The following CTNNA3 variants were observed in gnomAD, a reference collection of about 807,000 sequenced individuals.
The protein encoded by CTNNA3 is catenin alpha-3.
CTNNA3 carries 76 observed loss-of-function variants against 95.7 expected under a neutral mutation model. The observed-to-expected ratio is 0.79, with a 90% CI of 0.66 to 0.96. The LOEUF is 0.96. Ranked by LOEUF, CTNNA3 falls within the 40% of genes least tolerant of loss-of-function variation. The pLI, the probability that CTNNA3 is intolerant of heterozygous loss-of-function variation, is 0.00. For synonymous variants in CTNNA3, 431 were observed against 374.4 expected (o/e 1.15, Z -1.74); for missense variants, 1,191 against 1,089.8 (o/e 1.09, Z -1.31).
chr10:66,845,750 TACATACACACAC>T (rs1198323664), intron 7 of CTNNA3, among the ~76,000 whole-genome samples: 1 of 32,500 alleles, frequency 3.1e-5, no homozygotes, highest in Non-Finnish European at 7.5e-5. Context: ...GAGATATATA[TACATACACACAC>T]ACACACACAC....
chr10:67,568,136 A>G (rs1361553645), intron 3 of CTNNA3, among the ~76,000 whole-genome samples: 1 of 152,014 alleles, frequency 6.6e-6, no homozygotes, highest in Non-Finnish European at 1.5e-5. Context: ...CCTCATGTGC[A>G]TAACATATGT....
chr10:66,450,304 G>T (rs2093455008), intron 11 of CTNNA3, among the ~76,000 whole-genome samples: 2 of 152,044 alleles, frequency 1.3e-5, no homozygotes, highest in South Asian at 4.1e-4. Context: ...AAAACACTTT[G>T]TTTGGAGTAC....
intron 10 of CTNNA3, among the ~76,000 whole-genome samples, chr10:66,548,355 TTAAG>T (rs1842103150): frequency 6.6e-6 from 1 of 152,320 alleles, no homozygotes; most frequent in Admixed American, 6.5e-5. Context: ...AACTCACTTA[TTAAG>T]TATTATAATT....
chr10:67,417,373 A>G (rs912610585), intron 5 of CTNNA3, among the ~76,000 whole-genome samples: 2 of 152,180 alleles, frequency 1.3e-5, no homozygotes, highest in Non-Finnish European at 2.9e-5. Flanking sequence ...GACGGGATCT[A>G]TACCCCAAAC....
intron 7 of CTNNA3, among the ~76,000 whole-genome samples, chr10:67,066,562 CACCA>C (rs1338655596): frequency 1.3e-5 from 2 of 149,676 alleles, no homozygotes; most frequent in Non-Finnish European, 3.0e-5. Context: ...GGTACATACA[CACCA>C]ACCATTACAG....
chr10:66,246,410 C>T (rs761254182), intron 13 of CTNNA3, among the ~76,000 whole-genome samples: 2 of 152,078 alleles, frequency 1.3e-5, no homozygotes, highest in African/African-American at 4.8e-5. Context: ...ACCCTGGGAG[C>T]TCCTGCCCCA....
intron 13 of CTNNA3, among the ~76,000 whole-genome samples, chr10:66,178,609 G>C (rs1423413558): frequency 6.6e-6 from 1 of 151,148 alleles, no homozygotes; most frequent in Non-Finnish European, 1.5e-5. Flanking sequence ...GAAGAACTCT[G>C]TTAAGAGGAT....
At chr10:67,762,777 G>A (rs1024323180) in intron 1 of CTNNA3, among the ~76,000 whole-genome samples, 2 of 152,130 alleles carry the variant, frequency 1.3e-5, no homozygotes, top group African/African-American at 2.4e-5. Context: ...GTTAAAGATC[G>A]ACCCCTGACC....
At chr10:67,248,017 T>C (rs1865968556) in intron 5 of CTNNA3, among the ~76,000 whole-genome samples, 1 of 152,182 alleles carries the variant, frequency 6.6e-6, no homozygotes, top group Admixed American at 6.5e-5. Context: ...GACAATTCAA[T>C]ACAGAAAGGA....
intron 12 of CTNNA3, among the ~76,000 whole-genome samples, chr10:66,304,731 G>A (rs2091909091): frequency 6.6e-6 from 1 of 151,968 alleles, no homozygotes; most frequent in Non-Finnish European, 1.5e-5. Flanking sequence ...ACACACCTAA[G>A]TATTATGTTG....
intron 7 of CTNNA3, among the ~76,000 whole-genome samples, chr10:67,149,179 T>C (rs1213089039): frequency 6.6e-6 from 1 of 152,208 alleles, no homozygotes; most frequent in African/African-American, 2.4e-5. Context: ...CACATTAATA[T>C]AGCTTGTGAA....
intron 3 of CTNNA3, among the ~76,000 whole-genome samples, chr10:67,566,033 A>ATGTG (rs778991249): frequency 2.8e-4 from 17 of 59,912 alleles, no homozygotes; most frequent in East Asian, 2.3e-3. Context: ...ACACACACAT[A>ATGTG]TGTGTGTGTG....
intron 6 of CTNNA3, among the ~76,000 whole-genome samples, chr10:67,187,562 CTCTCT>C (rs1862913877): frequency 1.3e-5 from 2 of 151,908 alleles, no homozygotes; most frequent in African/African-American, 4.8e-5. Flanking sequence ...TTCTTTCTCT[CTCTCT>C]TATCTCCCCT....
chr10:67,498,300 T>C (rs1213648461), intron 5 of CTNNA3, among the ~76,000 whole-genome samples: 4 of 152,232 alleles, frequency 2.6e-5, no homozygotes, highest in African/African-American at 9.6e-5. Context: ...TATATATCTG[T>C]TTTGGTACCA....
chr10:66,971,158 T>C (rs1378670628), intron 7 of CTNNA3, among the ~76,000 whole-genome samples: 1 of 152,174 alleles, frequency 6.6e-6, no homozygotes, highest in East Asian at 1.9e-4. Flanking sequence ...CTGGGTGTGG[T>C]GGCTCACGCC....
intron 1 of CTNNA3, among the ~76,000 whole-genome samples, chr10:67,678,830 A>C (rs1840577939): frequency 6.6e-6 from 1 of 152,320 alleles, no homozygotes; most frequent in East Asian, 1.9e-4. Context: ...CTGTAGTATC[A>C]GTCTATTAGA....
At chr10:67,613,355 A>G (rs1340429978) in intron 2 of CTNNA3, among the ~76,000 whole-genome samples, 1 of 152,084 alleles carries the variant, frequency 6.6e-6, no homozygotes, top group African/African-American at 2.4e-5. Flanking sequence ...AAAATAAACA[A>G]ACAGTGGTTT....
chr10:67,255,297 A>AAAATAAAT (rs749848337), intron 5 of CTNNA3, among the ~76,000 whole-genome samples: 2 of 151,690 alleles, frequency 1.3e-5, no homozygotes, highest in Non-Finnish European at 2.9e-5. Flanking sequence ...CTCCATCTCA[A>AAAATAAAT]AAATAAATAA....
In CTNNA3 at chr10:67,288,812, G is replaced by A. The variant is rs900197892; in HGVS notation, c.580-68942C>T. Among the ~76,000 whole-genome samples, 6 of 152,058 alleles carry A rather than the reference G, an allele frequency of 3.9e-5. No homozygotes were observed. The East Asian group carries it at 7.7e-4, about 20-fold the overall frequency. Reference sequence around the variant, plus strand: ...TCTGTCACCCATAAAGCTTCATTCAGGTACTAAATGATAGGTAAGTTTAGT... The same window carrying A: ...TCTGTCACCCATAAAGCTTCATTCAAGTACTAAATGATAGGTAAGTTTAGT... On this transcript the variant is annotated intron_variant, in intron 5 of 17. Transcript: ENST00000433211.
Sources: allele counts gnomAD v4.1 joint callset (sites outside exome capture counted in the v4.1 genomes callset), GRCh38; gene constraint gnomAD v4.1.1; transcripts MANE v1.5; gene names NCBI Gene and HGNC (gene_info 2026-07-23, HGNC 2026-07-21).